The following FILIP1 variants were observed in gnomAD, a reference collection of about 807,000 sequenced individuals.
FILIP1 encodes filamin A interacting protein 1.
In FILIP1, 61 loss-of-function variants were observed where a neutral mutation model predicts 102.1. The ratio of observed to expected loss-of-function variants is 0.60; its 90% CI spans 0.49 to 0.74. FILIP1 has a LOEUF of 0.74. Ranked by LOEUF, FILIP1 falls within the 30% of genes least tolerant of loss-of-function variation. The probability of loss-of-function intolerance (pLI) is 0.00; values close to 1 mark genes in which losing one functional copy is unlikely to be tolerated. For synonymous variants in FILIP1, 491 were observed against 526.9 expected (o/e 0.93, Z 0.93); for missense variants, 1,314 against 1,441.2 (o/e 0.91, Z 1.43).
intron 4 of FILIP1, among the ~76,000 whole-genome samples, chr6:75,334,190 G>A (rs1774167884): frequency 6.6e-6 from 1 of 152,178 alleles, no homozygotes; most frequent in African/African-American, 2.4e-5. Context: ...ACTGTTAAAA[G>A]CCTTCAGAAC....
chr6:75,416,074 G>T (rs1185627020), intron 1 of FILIP1, among the ~76,000 whole-genome samples: 2 of 152,040 alleles, frequency 1.3e-5, no homozygotes, highest in Non-Finnish European at 2.9e-5. Context: ...ACCATGAACA[G>T]CTAAGCAAAA....
intron 2 of FILIP1, among the ~76,000 whole-genome samples, chr6:75,379,019 T>C (rs763917258): frequency 6.6e-6 from 1 of 152,194 alleles, no homozygotes; most frequent in Non-Finnish European, 1.5e-5. Flanking sequence ...TACCTATACA[T>C]AATACCTGAA....
chr6:75,420,074 C>A (rs1466280567), intron 1 of FILIP1, among the ~76,000 whole-genome samples: 3 of 151,084 alleles, frequency 2.0e-5, no homozygotes, highest in African/African-American at 7.3e-5. Context: ...TTGAAAATTC[C>A]TGTAAGTAAT....
Position 75,397,278 on chromosome 6 carries a change from T to C in FILIP1, c.276+17419A>G, listed in dbSNP as rs1476068592. Among the ~76,000 whole-genome samples, 47 of 151,852 alleles carry C rather than the reference T, an allele frequency of 3.1e-4. 1 individual carries two copies. The highest frequency in any genetic ancestry group is 3.0e-3 in the Admixed American group (46 of 15,214). On this transcript the variant is annotated intron_variant, in intron 2 of 5. Transcript: ENST00000237172. ...AAATTCTAAAAAAAATAATAAGTCA[T>C]GTTAGATATTGCAAAGATTACATAT... is the stretch of plus-strand genomic sequence containing the variant.
chr6:75,443,230 T>G (rs1018528328), intron 1 of FILIP1, among the ~76,000 whole-genome samples: 6 of 152,208 alleles, frequency 3.9e-5, no homozygotes, highest in African/African-American at 1.2e-4. Context: ...ATACTATTTA[T>G]TTAGTGCTGT....
At chr6:75,404,840 C>A (rs539994410) in intron 2 of FILIP1, among the ~76,000 whole-genome samples, 5 of 152,244 alleles carry the variant, frequency 3.3e-5, no homozygotes, top group African/African-American at 1.2e-4. Context: ...TTTTGATTCA[C>A]CACTTCCTAT....
intron 2 of FILIP1, among the ~76,000 whole-genome samples, chr6:75,395,159 T>C (rs1170882097): frequency 1.3e-5 from 2 of 152,228 alleles, no homozygotes; most frequent in African/African-American, 2.4e-5. Flanking sequence ...TAATATGCTC[T>C]CATTTGTGTA....
chr6:75,442,299 G>C lies in FILIP1; in HGVS notation c.-6-27321C>G, dbSNP rs574760098. ...GCAGCCAGGCAGAGGGGCTCCTCACGTCCCAGACGATGGATGGCCAGGCAG... is the reference window on the plus strand; with the variant it reads ...GCAGCCAGGCAGAGGGGCTCCTCACCTCCCAGACGATGGATGGCCAGGCAG... On this transcript the variant is annotated intron_variant, in intron 1 of 5. Coordinates refer to ENST00000237172, the MANE Select transcript of FILIP1 (RefSeq NM_015687.5). Among the ~76,000 whole-genome samples the C allele has an allele frequency of 1.6e-3, 234 of 150,268 alleles. 1 individual carries two copies. The highest frequency in any genetic ancestry group is 7.0e-3 in the Middle Eastern group (2 of 286).
intron 1 of FILIP1, among the ~76,000 whole-genome samples, chr6:75,476,183 G>C (rs1779470017): frequency 1.3e-5 from 2 of 149,878 alleles, no homozygotes; most frequent in Admixed American, 1.3e-4. Context: ...GAAGGTTACA[G>C]TGAGCCAAGA....
chr6:75,310,307 A>G (rs1203011105), intron 5 of FILIP1, among the ~76,000 whole-genome samples: 1 of 152,220 alleles, frequency 6.6e-6, no homozygotes. Context: ...CTATCATAGA[A>G]CCACTAAGTA....
chr6:75,459,683 TA>T (rs1378444368), intron 1 of FILIP1, among the ~76,000 whole-genome samples: 2 of 152,206 alleles, frequency 1.3e-5, no homozygotes, highest in African/African-American at 4.8e-5. Context: ...CATTCCCTTT[TA>T]GACACATAAT....
chr6:75,365,255 A>G (rs1406022658), intron 2 of FILIP1, among the ~76,000 whole-genome samples: 4 of 152,128 alleles, frequency 2.6e-5, no homozygotes, highest in African/African-American at 7.2e-5. Context: ...TGTTGTTTGT[A>G]CCATAAATTG....
In FILIP1 at chr6:75,480,112, T is replaced by C. The variant is rs572869775; in HGVS notation, c.-7+13302A>G. On this transcript the variant is annotated intron_variant, in intron 1 of 5. Coordinates refer to ENST00000237172, the MANE Select transcript of FILIP1 (RefSeq NM_015687.5). ...TTTTTTTGTTAGTATTTCACCTTCA[T>C]TTTTTTAGACTTAAATTTCTGGTCC... is the stretch of plus-strand genomic sequence containing the variant. 5.3e-5 allele frequency among the ~76,000 whole-genome samples: 8 copies of C among 152,066 alleles called. No individual in the cohort carries two copies. In the South Asian group the frequency reaches 1.7e-3, roughly 32 times the overall value.
intron 1 of FILIP1, among the ~76,000 whole-genome samples, chr6:75,424,163 G>C (rs546176897): frequency 5.3e-5 from 8 of 152,152 alleles, no homozygotes; most frequent in Non-Finnish European, 8.8e-5. Context: ...ACACAGGTCT[G>C]TTTGGATTCT....
chr6:75,443,285 A>G (rs924375468), intron 1 of FILIP1, among the ~76,000 whole-genome samples: 3 of 152,254 alleles, frequency 2.0e-5, no homozygotes, highest in African/African-American at 7.2e-5. Flanking sequence ...AGAAAATCAC[A>G]TATTTTTAAA....
chr6:75,448,226 T>C (rs1778504829), intron 1 of FILIP1, among the ~76,000 whole-genome samples: 1 of 152,152 alleles, frequency 6.6e-6, no homozygotes, highest in African/African-American at 2.4e-5. Context: ...TAATTAGCTA[T>C]GGCATCCTTT....
At chr6:75,355,220 G>A (rs564248666) in intron 3 of FILIP1, among the ~76,000 whole-genome samples, 8 of 151,764 alleles carry the variant, frequency 5.3e-5, no homozygotes, top group African/African-American at 1.5e-4. Context: ...GCTTGAACCC[G>A]GGAGGCAGAG....
intron 4 of FILIP1, among the ~76,000 whole-genome samples, chr6:75,349,844 G>C (rs952711043): frequency 1.3e-5 from 2 of 152,288 alleles, no homozygotes; most frequent in South Asian, 2.1e-4. Context: ...AACTTGGCTC[G>C]CGGGAAAGAA....
chr6:75,356,498 T>G (rs1775005395), intron 3 of FILIP1, among the ~76,000 whole-genome samples: 1 of 151,956 alleles, frequency 6.6e-6, no homozygotes, highest in Admixed American at 6.6e-5. Flanking sequence ...GATGAAGTTT[T>G]GCTCTTGTTG....
Sources: allele counts gnomAD v4.1 joint callset (sites outside exome capture counted in the v4.1 genomes callset), GRCh38; gene constraint gnomAD v4.1.1; transcripts MANE v1.5; gene names NCBI Gene and HGNC (gene_info 2026-07-23, HGNC 2026-07-21).